The following ASH1L variants were observed in gnomAD, a reference collection of about 807,000 sequenced individuals.
The protein encoded by ASH1L is histone-lysine N-methyltransferase ASH1L.
Under a neutral mutation model 269.0 loss-of-function variants are expected in ASH1L, and 23 were observed. The observed-to-expected ratio is 0.09, with a 90% confidence interval of 0.06 to 0.12. ASH1L has a LOEUF of 0.12. Among genes scored for constraint, ASH1L ranks in the 10% least tolerant of loss-of-function variants. The pLI, the probability that ASH1L is intolerant of heterozygous loss-of-function variation, is 1.00. For missense variants in ASH1L, 2,912 were observed against 3,567.8 expected (o/e 0.82, Z 4.68); for synonymous variants, 1,187 against 1,253.5 (o/e 0.95, Z 1.12).
chr1:155,376,641 C>T (rs562251263), intron 10 of ASH1L, among the ~76,000 whole-genome samples: 25 of 150,770 alleles, frequency 1.7e-4, no homozygotes, highest in African/African-American at 5.4e-4. Context: ...ATCGTGCCAC[C>T]GCACTCCAGC....
rs148991117 is a variant in ASH1L at position 155,352,356 on chromosome 1, T to C, written c.7366+350A>G. ...CAGAGAGTGTGATTTATTTTGGGAA[T>C]GTAAATGGAATAGGTGCCTCAAAAT... On this transcript the variant is annotated intron_variant, in intron 17 of 27. Coordinates refer to ENST00000392403, the MANE Select transcript of ASH1L (RefSeq NM_018489.3). Among the ~76,000 whole-genome samples, 892 of 145,838 alleles carry C rather than the reference T, an allele frequency of 6.1e-3. 8 individuals carry two copies. The highest frequency in any genetic ancestry group is 0.021 in the African/African-American group (841 of 39,522).
Position 155,519,358 on chromosome 1 carries a change from C to T in ASH1L, c.420+1742G>A, listed in dbSNP as rs867154024. 2.6e-5 allele frequency among the ~76,000 whole-genome samples: 4 copies of T among 152,180 alleles called. No individual in the cohort carries two copies. In the South Asian group the frequency reaches 8.3e-4, roughly 32 times the overall value. On this transcript the variant is annotated intron_variant, in intron 2 of 27. Coordinates refer to ENST00000392403, the MANE Select transcript of ASH1L (RefSeq NM_018489.3). Reference sequence around the variant, plus strand: ...GGCTGAGGCAGGAGAATTGCTTGAACCCTGGAGGCGGAGGTTGCAGTGAGC... The same window carrying T: ...GGCTGAGGCAGGAGAATTGCTTGAATCCTGGAGGCGGAGGTTGCAGTGAGC...
rs1665977224 is a variant in ASH1L at position 155,481,711 on chromosome 1, A to G, written c.1159T>C (p.Cys387Arg). ...GSTVGLVAKDCAKKIVASSAM... is the reference protein window; with the variant it reads ...GSTVGLVAKDRAKKIVASSAM... ...GAACTTGCTACAATCTTCTTTGCACAGTCCTTGGCCACTAGGCCAACAGTA... is the reference window on the plus strand; with the variant it reads ...GAACTTGCTACAATCTTCTTTGCACGGTCCTTGGCCACTAGGCCAACAGTA... The change falls in exon 3 of 28, where the codon TGT becomes CGT. Residue 387 changes from cysteine to arginine, a missense_variant. Cys to Arg is a radical substitution (Grantham distance 180, BLOSUM62 -3). Transcript: ENST00000392403. 1 of 1,614,184 alleles carries G rather than the reference A, an allele frequency of 6.2e-7. No individual in the cohort carries two copies. Among genetic ancestry groups the G allele is most frequent in the Non-Finnish European group, 8.5e-7 (1 of 1,180,028 alleles).
At chr1:155,450,672 T>C (rs769304790) in intron 4 of ASH1L, among the ~76,000 whole-genome samples, 1 of 152,170 alleles carries the variant, frequency 6.6e-6, no homozygotes, top group African/African-American at 2.4e-5. Context: ...GGAATTACCA[T>C]ATAATCGAGG....
Position 155,562,444 on chromosome 1 carries a change from G to A in ASH1L, c.-391C>T. ...GGCGGGAGCGGCGGCGGCGGCGGCG[G>A]CAGCAGCAGAGTGGCGGCGGTGGCG... On this transcript the variant is annotated 5_prime_UTR_variant, in exon 1 of 28. Transcript: ENST00000392403. The A allele has an allele frequency of 1.4e-6, 2 of 1,468,058 alleles. No homozygotes were observed. Among genetic ancestry groups the A allele is most frequent in the Non-Finnish European group, 1.8e-6 (2 of 1,083,342 alleles). The allele number at this position is 1,468,058 out of a possible 1,614,324, so 90.9% of individuals were successfully genotyped here.
At chr1:155,422,813 C>T (rs1056174331) in intron 5 of ASH1L, among the ~76,000 whole-genome samples, 1 of 151,606 alleles carries the variant, frequency 6.6e-6, no homozygotes, top group Non-Finnish European at 1.5e-5. Flanking sequence ...CCACGCCTGG[C>T]TATTTTTTTG....
chr1:155,464,414 G>A (rs1036470330), intron 3 of ASH1L, among the ~76,000 whole-genome samples: 2 of 151,826 alleles, frequency 1.3e-5, no homozygotes, highest in African/African-American at 2.4e-5. Flanking sequence ...ATATTACTAC[G>A]TAGACCACCG....
In ASH1L at chr1:155,562,421, C is replaced by T; in HGVS notation, c.-368G>A. On this transcript the variant is annotated 5_prime_UTR_variant, in exon 1 of 28. Coordinates refer to ENST00000392403, the MANE Select transcript of ASH1L (RefSeq NM_018489.3). ...CCGCAAAGCGAACCCAAAATGGCGG[C>T]GGGAGCGGCGGCGGCGGCGGCGGCA... The T allele has an allele frequency of 1.3e-6, 2 of 1,481,676 alleles. No individual in the cohort carries two copies. Among genetic ancestry groups the T allele is most frequent in the Non-Finnish European group, 1.8e-6 (2 of 1,092,912 alleles). The allele number at this position is 1,481,676 out of a possible 1,614,324, so 91.8% of individuals were successfully genotyped here.
intron 1 of ASH1L, among the ~76,000 whole-genome samples, chr1:155,544,621 A>C (rs565078354): frequency 1.3e-4 from 20 of 152,270 alleles, no homozygotes; most frequent in Non-Finnish European, 2.5e-4. Flanking sequence ...GGAAACTAAA[A>C]ACCATAAAGA....
intron 3 of ASH1L, among the ~76,000 whole-genome samples, chr1:155,476,278 C>T (rs748495196): frequency 2.0e-5 from 3 of 151,708 alleles, no homozygotes; most frequent in Admixed American, 1.3e-4. Context: ...CCCAGCTACT[C>T]GGGAGGGTGA....
At chr1:155,351,709 G>C (rs1421298825) in intron 17 of ASH1L, among the ~76,000 whole-genome samples, 1 of 152,004 alleles carries the variant, frequency 6.6e-6, no homozygotes, top group Non-Finnish European at 1.5e-5. Flanking sequence ...ACTTAGGCAG[G>C]TGTGGTGGTG....
chr1:155,404,876 A>C (rs1424226744), intron 6 of ASH1L, among the ~76,000 whole-genome samples: 3 of 151,754 alleles, frequency 2.0e-5, no homozygotes, highest in Admixed American at 6.6e-5. Context: ...AAAAACACAA[A>C]AATCAGCTGA....
chr1:155,464,751 G>C (rs1054387489), intron 3 of ASH1L, among the ~76,000 whole-genome samples: 1 of 152,092 alleles, frequency 6.6e-6, no homozygotes, highest in Non-Finnish European at 1.5e-5. Context: ...TTTAATTATA[G>C]ACTCTCTGGA....
At chr1:155,538,735 T>C (rs1395771959) in intron 1 of ASH1L, among the ~76,000 whole-genome samples, 1 of 149,764 alleles carries the variant, frequency 6.7e-6, no homozygotes, top group African/African-American at 2.5e-5. Flanking sequence ...CTCCAACTCC[T>C]GTGCTCAAGG....
At chr1:155,346,327 ACC>A (rs770718284) in intron 21 of ASH1L, 54 bp downstream of exon 21, 9 of 1,578,544 alleles carry the variant, frequency 5.7e-6, no homozygotes, top group Admixed American at 1.7e-5. Context: ...CAGGTGAGAT[ACC>A]ATGTGCTACC....
chr1:155,544,842 T>C (rs762819956), intron 1 of ASH1L, among the ~76,000 whole-genome samples: 3 of 151,962 alleles, frequency 2.0e-5, no homozygotes, highest in Non-Finnish European at 4.4e-5. Flanking sequence ...TAAAAAGATA[T>C]ACCACCTCAT....
intron 5 of ASH1L, among the ~76,000 whole-genome samples, chr1:155,425,595 T>C (rs935974259): frequency 1.3e-5 from 2 of 151,560 alleles, no homozygotes; most frequent in South Asian, 2.1e-4. Flanking sequence ...TGTGCCACCA[T>C]GCTTAATTTT....
At chr1:155,398,429 T>C (rs927487157) in intron 6 of ASH1L, among the ~76,000 whole-genome samples, 2 of 152,202 alleles carry the variant, frequency 1.3e-5, no homozygotes, top group African/African-American at 4.8e-5. Flanking sequence ...TTGCAGGCAG[T>C]TGTAACACAA....
At position 155,453,982 on chromosome 1, in the gene ASH1L, G is replaced by A. The variant is rs376130770; in HGVS notation, c.5086+5815C>T. Reference sequence around the variant, plus strand: ...TAGCGGGGCGTGGTGGCAGGCGCCCGTAGTCCCAGCTACTCGGGAAGCTGA... The same window carrying A: ...TAGCGGGGCGTGGTGGCAGGCGCCCATAGTCCCAGCTACTCGGGAAGCTGA... On this transcript the variant is annotated intron_variant, in intron 4 of 27. Transcript: ENST00000392403. Among the ~76,000 whole-genome samples, 189 of 152,116 alleles carry A rather than the reference G, an allele frequency of 1.2e-3. 7 individuals carry two copies. In the South Asian group the frequency reaches 0.037, roughly 29 times the overall value.
Sources: gnomAD v4.1 joint callset for allele counts (sites outside exome capture counted in the v4.1 genomes callset) on GRCh38, gnomAD v4.1.1 for gene constraint, MANE v1.5 for transcripts, NCBI Gene and HGNC (gene_info 2026-07-23, HGNC 2026-07-21) for gene names.